Variants in MMEL1 observed in about 807,000 individuals in gnomAD.
The protein encoded by MMEL1 is membrane metalloendopeptidase like 1, also known as membrane metallo-endopeptidase-like 1.
MMEL1 carries 98 observed loss-of-function variants against 117.1 expected under a neutral mutation model. The observed-to-expected ratio is 0.84, with a 90% CI of 0.71 to 0.99. MMEL1 has a LOEUF of 0.99. MMEL1 is among the 50% of genes least tolerant of loss of function. The probability of loss-of-function intolerance (pLI) is 0.00; values close to 1 mark genes in which losing one functional copy is unlikely to be tolerated. For synonymous variants in MMEL1, 390 were observed against 415.1 expected (o/e 0.94, Z 0.74); for missense variants, 1,014 against 1,049.1 (o/e 0.97, Z 0.46).
chr1:2,602,164 C>CAGCCTCTCTCCA (rs57874001), intron 11 of MMEL1, among the ~76,000 whole-genome samples: 3 of 145,410 alleles, frequency 2.1e-5, no homozygotes, highest in Admixed American at 2.1e-4. Flanking sequence ...CGTCAGGGAC[C>CAGCCTCTCTCCA]GGCCTCCCTC....
At chr1:2,593,699 C>T (rs1422472404) in intron 19 of MMEL1, 115 bp downstream of exon 19, 6 of 1,385,868 alleles carry the variant, frequency 4.3e-6, no homozygotes, top group Non-Finnish European at 5.7e-6. Context: ...AGGACCTGGC[C>T]TCGGTGTCCC....
chr1:2,606,382 C>T lies in MMEL1; in HGVS notation c.632-16G>A, dbSNP rs1645028906. The T allele has an allele frequency of 9.4e-6, 15 of 1,601,732 alleles. No individual in the cohort carries two copies. The highest frequency in any genetic ancestry group is 1.3e-5 in the Non-Finnish European group (15 of 1,172,660). ...CACTCGAGTCCTGGGGAGACAGTGC[C>T]CCGCACTGGAGACTGGCGGGCCCTG... On this transcript the variant is annotated splice_polypyrimidine_tract_variant and intron_variant, in intron 7 of 23. Transcript: ENST00000378412.
chr1:2,591,668 G>C, intron 22 of MMEL1, 35 bp from the exon 23 acceptor site: 1 of 1,548,148 alleles, frequency 6.5e-7, no homozygotes, highest in African/African-American at 1.4e-5. Flanking sequence ...TACAGGTGGC[G>C]TGGTGGGGTG....
chr1:2,629,067 G>A (rs1036613951), intron 2 of MMEL1, among the ~76,000 whole-genome samples: 1 of 151,980 alleles, frequency 6.6e-6, no homozygotes, highest in African/African-American at 2.4e-5. Context: ...GGCGGGTGCG[G>A]AGCTGCAGAA....
At chr1:2,628,866 C>A (rs1027732262) in intron 2 of MMEL1, among the ~76,000 whole-genome samples, 19 of 152,018 alleles carry the variant, frequency 1.2e-4, no homozygotes, top group African/African-American at 4.3e-4. Flanking sequence ...ACCCTCAGGT[C>A]TCTCCGCAGG....
intron 2 of MMEL1, among the ~76,000 whole-genome samples, chr1:2,618,659 A>C (rs1463289642): frequency 6.6e-6 from 1 of 152,202 alleles, no homozygotes; most frequent in African/African-American, 2.4e-5. Context: ...CGGAGAAGCC[A>C]ATTTAAAGAA....
intron 13 of MMEL1, 40 bp from the exon 14 acceptor site, chr1:2,596,729 A>AG (rs1270848795): frequency 5.0e-6 from 8 of 1,606,322 alleles, no homozygotes; most frequent in Admixed American, 1.7e-5. Flanking sequence ...CCCCCACGTC[A>AG]GCCTTCCCAG....
At position 2,595,439 on chromosome 1, in the gene MMEL1, A is replaced by G; in HGVS notation, c.1501-80T>C. 3 of 1,265,810 alleles carry G rather than the reference A, an allele frequency of 2.4e-6. No individual in the cohort carries two copies. Among genetic ancestry groups the G allele is most frequent in the Non-Finnish European group, 3.5e-6 (3 of 869,332 alleles). 78.4% of individuals were successfully genotyped at this position (1,265,810 alleles called of 1,614,324 possible). ...CCGGGGGCCGGTCAGTGAGTGCCACACTGTGGGAGGGGTCAGCCCGGGGCA... is the reference window on the plus strand; with the variant it reads ...CCGGGGGCCGGTCAGTGAGTGCCACGCTGTGGGAGGGGTCAGCCCGGGGCA... On this transcript the variant is annotated intron_variant, in intron 15 of 23. Coordinates refer to ENST00000378412, the MANE Select transcript of MMEL1 (RefSeq NM_033467.4). This position sits in a 1 kb window ranked among gnomAD's most constrained non-coding sequence, Gnocchi z 4.8.
At chr1:2,620,589 G>A (rs1051330155) in intron 2 of MMEL1, among the ~76,000 whole-genome samples, 15 of 151,972 alleles carry the variant, frequency 9.9e-5, no homozygotes, top group South Asian at 2.1e-4. Flanking sequence ...CCTGTGAGGA[G>A]GTTTAAAATC....
intron 2 of MMEL1, among the ~76,000 whole-genome samples, chr1:2,619,256 G>C (rs1645253032): frequency 6.6e-6 from 1 of 152,310 alleles, no homozygotes; most frequent in South Asian, 2.1e-4. Context: ...AAACAGTGGA[G>C]GTGCCTCACA....
At chr1:2,620,844 T>G (rs539022032) in intron 2 of MMEL1, among the ~76,000 whole-genome samples, 3 of 149,756 alleles carry the variant, frequency 2.0e-5, no homozygotes, top group African/African-American at 7.4e-5. Flanking sequence ...ATTTTCCAGG[T>G]GACTGATGGA....
chr1:2,623,059 C>T (rs1263366870), intron 2 of MMEL1, among the ~76,000 whole-genome samples: 1 of 151,872 alleles, frequency 6.6e-6, no homozygotes, highest in East Asian at 1.9e-4. Flanking sequence ...GTCCCAGCTA[C>T]TCAGGAGGCT....
intron 21 of MMEL1, 74 bp from the exon 22 acceptor site, chr1:2,592,101 G>T: frequency 7.8e-7 from 1 of 1,283,644 alleles, no homozygotes; most frequent in Middle Eastern, 2.3e-4. Context: ...TCAGGGCAGA[G>T]CAGAGGTCTG....
At chr1:2,627,731 T>C (rs752380923) in intron 2 of MMEL1, among the ~76,000 whole-genome samples, 7 of 152,080 alleles carry the variant, frequency 4.6e-5, no homozygotes, top group Non-Finnish European at 8.8e-5. Context: ...AATGAGAAAA[T>C]ACACAGAAAT....
chr1:2,609,577 C>T, intron 5 of MMEL1, 93 bp downstream of exon 5: 2 of 1,545,894 alleles, frequency 1.3e-6, no homozygotes, highest in Non-Finnish European at 8.8e-7. Flanking sequence ...GGAGGAAGCA[C>T]AAACAGGGGC....
chr1:2,591,269 GAAT>G, intron 23 of MMEL1, 180 bp from the exon 24 acceptor site: 1 of 597,230 alleles, frequency 1.7e-6, no homozygotes, highest in Non-Finnish European at 3.0e-6. Flanking sequence ...CCAATCCTGA[GAAT>G]AACCTCCCCT....
intron 4 of MMEL1, among the ~76,000 whole-genome samples, chr1:2,610,425 G>T (rs890711869): frequency 6.6e-6 from 1 of 152,138 alleles, no homozygotes; most frequent in African/African-American, 2.4e-5. Flanking sequence ...GGTCTGACTT[G>T]CAGGCTGAGG....
chr1:2,596,184 T>A, intron 14 of MMEL1, 77 bp from the exon 15 acceptor site: 1 of 1,377,250 alleles, frequency 7.3e-7, no homozygotes, highest in South Asian at 1.3e-5. Context: ...TTTGGGGAGG[T>A]CTGGTCTGAG....
chr1:2,606,484 A>C, intron 7 of MMEL1, 118 bp from the exon 8 acceptor site: 4 of 700,104 alleles, frequency 5.7e-6, no homozygotes, highest in South Asian at 1.7e-5. Context: ...TGGGGAGCTC[A>C]CCTGTGCGCC....
Sources: gnomAD v4.1 joint callset for allele counts (sites outside exome capture counted in the v4.1 genomes callset) on GRCh38, gnomAD v4.1.1 for gene constraint, Gnocchi (gnomAD v3.1) non-coding constraint, MANE v1.5 for transcripts, NCBI Gene and HGNC (gene_info 2026-07-23, HGNC 2026-07-21) for gene names.